The following DNHD1 variants were observed in gnomAD, a reference collection of about 807,000 sequenced individuals.
DNHD1 encodes dynein heavy chain domain-containing protein 1.
DNHD1 carries 383 observed loss-of-function variants against 458.1 expected under a neutral mutation model. The ratio of observed to expected loss-of-function variants is 0.84; its 90% CI spans 0.77 to 0.91. The LOEUF (loss-of-function observed/expected upper bound fraction) is 0.91. Ranked by LOEUF, DNHD1 falls within the 40% of genes least tolerant of loss-of-function variation. The pLI is 0.00. For missense variants in DNHD1, 5,336 were observed against 5,866.1 expected, an observed-to-expected ratio of 0.91 and a Z score of 2.95; for synonymous variants, 2,203 against 2,376.9, an observed-to-expected ratio of 0.93 and a Z score of 2.13.
chr11:6,560,638 T>G (rs1853567316), intron 28 of DNHD1, among the ~76,000 whole-genome samples: 1 of 152,036 alleles, frequency 6.6e-6, no homozygotes, highest in African/African-American at 2.4e-5. Context: ...AAGCCAAAGG[T>G]CTGGATAAGA....
chr11:6,571,572 C>A lies in DNHD1; in HGVS notation c.13912-64C>A. On this transcript the variant is annotated intron_variant, in intron 42 of 42. Coordinates refer to ENST00000254579, the MANE Select transcript of DNHD1 (RefSeq NM_144666.3). The surrounding 1 kb of genome is among the most constrained non-coding windows in gnomAD (Gnocchi z 5.0). The stretch of plus-strand genomic sequence containing the variant: ...CACCACGACCTCCTACCCGCTAACC[C>A]CCACTTCCCACCTGCCACCTCCCAG... 2.0e-6 allele frequency: 3 copies of A among 1,474,488 alleles called. No homozygotes were observed. The South Asian group carries it at 4.1e-5, about 20-fold the overall frequency. 91.3% of individuals were successfully genotyped at this position (1,474,488 alleles called of 1,614,324 possible). A position where few individuals can be genotyped will look rare whatever the true frequency, so the allele number is the denominator to read the frequency against.
rs999106146 is a variant in DNHD1, at chr11:6,546,749, C to T, written c.5810C>T (p.Pro1937Leu). 2 of 1,551,806 alleles carry T rather than the reference C, an allele frequency of 1.3e-6. No homozygotes were observed. The highest frequency in any genetic ancestry group is 1.7e-6 in the Non-Finnish European group (2 of 1,147,006). Residue 1937 changes from proline to leucine, a missense_variant, in exon 21 of 43, where the codon CCT becomes CTT. Transcript: ENST00000254579. ...CGAGGGCTGTTGTGTGCGCTTTTCC[C>T]TAGCGCCAGCCAAGTGCTGGCAGAA... is the stretch of plus-strand genomic sequence containing the variant. ...NLRGLLCALF[P>L]SASQVLAEPM... is the part of the protein sequence containing the mutation.
Position 6,561,059 on chromosome 11 carries a change from T to C in DNHD1, c.9519+1776T>C, listed in dbSNP as rs530281389. ...GGAGACTTCCCTAACCTTATAAGGT[T>C]GTGATGAGGATTAAACAAGATCTTA... On this transcript the variant is annotated intron_variant, in intron 28 of 42. Transcript: ENST00000254579. Among the ~76,000 whole-genome samples the C allele has an allele frequency of 7.9e-5, 12 of 152,270 alleles. No individual in the cohort carries two copies. In the East Asian group the frequency reaches 2.3e-3, roughly 29 times the overall value.
chr11:6,508,750 T>C (rs1852275374), intron 4 of DNHD1, 130 bp from the exon 5 acceptor site: 1 of 735,750 alleles, frequency 1.4e-6, no homozygotes, highest in Non-Finnish European at 2.2e-6. Flanking sequence ...TTCTGCTCTC[T>C]TTGCCCCTTT....
intron 7 of DNHD1, among the ~76,000 whole-genome samples, chr11:6,518,110 A>G (rs1173630257): frequency 6.6e-6 from 1 of 152,206 alleles, no homozygotes; most frequent in East Asian, 1.9e-4. Flanking sequence ...TCTGTTGCCC[A>G]TGCAGTGGCA....
At chr11:6,510,983 G>C (rs1852325865) in intron 6 of DNHD1, among the ~76,000 whole-genome samples, 1 of 152,150 alleles carries the variant, frequency 6.6e-6, no homozygotes, top group South Asian at 2.1e-4. Flanking sequence ...TTCTAAGTCA[G>C]ACCTTGGTAT....
intron 17 of DNHD1, 60 bp downstream of exon 17, chr11:6,539,373 C>A: frequency 7.8e-7 from 1 of 1,285,558 alleles, no homozygotes; most frequent in Non-Finnish European, 1.1e-6. Context: ...GTAATAAAGC[C>A]AGTCAAGGGT....
At chr11:6,508,494 A>G (rs1852270436) in intron 4 of DNHD1, 1 of 173,628 alleles carries the variant, frequency 5.8e-6, no homozygotes. Context: ...CATCATCTCT[A>G]AAATTGTGAT....
At chr11:6,543,342 C>T (rs1454953196) in intron 18 of DNHD1, among the ~76,000 whole-genome samples, 3 of 152,182 alleles carry the variant, frequency 2.0e-5, no homozygotes, top group Non-Finnish European at 4.4e-5. Flanking sequence ...TAAGCAGCAC[C>T]AGGGAGCCAA....
At chr11:6,558,765 C>G (rs1853522891) in intron 26 of DNHD1, 72 bp downstream of exon 26, 2 of 1,480,466 alleles carry the variant, frequency 1.4e-6, no homozygotes, top group Non-Finnish European at 1.8e-6. Flanking sequence ...CTAGGTCAGT[C>G]TCTCTCTCTC....
At chr11:6,539,147 C>CT in intron 16 of DNHD1, 72 bp from the exon 17 acceptor site, 1 of 1,095,536 alleles carries the variant, frequency 9.1e-7, no homozygotes, top group Non-Finnish European at 1.4e-6. Context: ...GGGCTGGGCT[C>CT]TGGGATATGG....
At chr11:6,520,962 T>C (rs1852593869) in intron 10 of DNHD1, 1 of 794,216 alleles carries the variant, frequency 1.3e-6, no homozygotes, top group African/African-American at 1.9e-5. Flanking sequence ...AGGGAATAGG[T>C]GACAAGGAGC....
At chr11:6,533,517 C>T (rs1216665419) in intron 13 of DNHD1, among the ~76,000 whole-genome samples, 164 bp from the exon 14 acceptor site, 5 of 152,212 alleles carry the variant, frequency 3.3e-5, no homozygotes, top group Admixed American at 2.0e-4. Flanking sequence ...TTTGATCCCT[C>T]TGGAGAGATC....
chr11:6,567,921 AC>A, intron 36 of DNHD1, 61 bp downstream of exon 36: 1 of 1,495,626 alleles, frequency 6.7e-7, no homozygotes, highest in Admixed American at 2.3e-5. Flanking sequence ...GGCATGGGGG[AC>A]CCCCTCCAAG....
In DNHD1 at chr11:6,570,872, C is replaced by G; in HGVS notation, c.13360C>G (p.Gln4454Glu). 1 of 1,614,042 alleles carries G rather than the reference C, an allele frequency of 6.2e-7. No individual in the cohort carries two copies. The highest frequency in any genetic ancestry group is 8.5e-7 in the Non-Finnish European group (1 of 1,179,892). The change falls in exon 42 of 43, where the codon CAG (glutamine) becomes GAG (glutamate). Residue 4454 changes from glutamine (Q) to glutamate (E), a missense_variant. Physicochemically the swap from Gln to Glu is conservative, Grantham distance 29. Transcript: ENST00000254579. ...AGTCAACCGGAGGCTGGAGTCACTG[C>G]AGGATCTGCTGACCCACGTGATTCG... ...VQVNRRLESL[Q>E]DLLTHVIRQD...
intron 6 of DNHD1, among the ~76,000 whole-genome samples, chr11:6,510,969 C>G (rs1346500269): frequency 6.6e-6 from 1 of 152,186 alleles, no homozygotes; most frequent in Non-Finnish European, 1.5e-5. Context: ...TCTGCTGTCT[C>G]TCCTTCTAAG....
In DNHD1 at chr11:6,546,559, C is replaced by T. The variant is rs1290724968; in HGVS notation, c.5620C>T (p.Leu1874=). Residue 1874 remains leucine (L), a synonymous_variant, in exon 21 of 43, where the codon CTG becomes TTG. Transcript: ENST00000254579. ...GGTGTCTGGGCCCCTGCCCTGCCGC[C>T]TGCCACTGCTCAAGCAGATACTGGA... The part of the protein sequence containing the change: ...ELVSGPLPCR[L]PLLKQILEDT... 2 of 1,551,600 alleles carry T rather than the reference C, an allele frequency of 1.3e-6. No individual in the cohort carries two copies. The highest frequency in any genetic ancestry group is 3.9e-5 in the Admixed American group (2 of 50,998).
At position 6,519,780 on chromosome 11, in the gene DNHD1, G is replaced by A. The variant is rs886398947; in HGVS notation, c.1573G>A (p.Asp525Asn). Residue 525 changes from aspartate (D) to asparagine (N), a missense_variant, in exon 8 of 43, where the codon GAC (aspartate) becomes AAC (asparagine). Coordinates refer to ENST00000254579, the MANE Select transcript of DNHD1 (RefSeq NM_144666.3). Reference sequence around the variant, plus strand: ...GCTGGGAAAGTTTGCCCGCCTGGTTGACTACATGATTTGTCAGAGCCTCAT... The same window carrying A: ...GCTGGGAAAGTTTGCCCGCCTGGTTAACTACATGATTTGTCAGAGCCTCAT... ...LQLGKFARLV[D>N]YMICQSLISV... 2 of 1,613,642 alleles carry A rather than the reference G, an allele frequency of 1.2e-6. No individual in the cohort carries two copies. The highest frequency in any genetic ancestry group is 2.7e-5 in the African/African-American group (2 of 74,922).
At chr11:6,567,979 G>C in intron 36 of DNHD1, 77 bp from the exon 37 acceptor site, 21 of 1,481,674 alleles carry the variant, frequency 1.4e-5, no homozygotes, top group Non-Finnish European at 1.9e-5. Flanking sequence ...TGGGGATCAT[G>C]GTAGCATTAG....
Sources: allele counts gnomAD v4.1 joint callset (sites outside exome capture counted in the v4.1 genomes callset), GRCh38; gene constraint gnomAD v4.1.1; non-coding constraint Gnocchi (gnomAD v3.1); transcripts MANE v1.5; gene names NCBI Gene and HGNC (gene_info 2026-07-23, HGNC 2026-07-21).